SYNE1: variants seen among roughly 807,000 people sequenced by gnomAD.
SYNE1 encodes the protein nesprin-1.
SYNE1 carries 616 observed loss-of-function variants against 1,111.0 expected under a neutral mutation model. The observed-to-expected ratio is 0.55, with a 90% confidence interval of 0.52 to 0.59. SYNE1 has a LOEUF of 0.59. SYNE1 is among the 20% of genes least tolerant of loss of function. The probability of loss-of-function intolerance (pLI) is 0.00; values close to 1 mark genes in which losing one functional copy is unlikely to be tolerated. For missense variants in SYNE1, 10,006 were observed against 10,417.0 expected (o/e 0.96, Z 1.72); for synonymous variants, 3,855 against 3,825.8 (o/e 1.01, Z -0.28).
chr6:152,549,513 T>C (rs572307275), intron 3 of SYNE1, among the ~76,000 whole-genome samples: 2 of 152,304 alleles, frequency 1.3e-5, no homozygotes, highest in Admixed American at 6.5e-5. Flanking sequence ...AATGAAAAGA[T>C]TCTAGGCTTA....
At chr6:152,387,041 A>G in intron 54 of SYNE1, 31 bp downstream of exon 54, 8 of 1,578,956 alleles carry the variant, frequency 5.1e-6, no homozygotes, top group Non-Finnish European at 6.9e-6. Context: ...AATGTATTAT[A>G]AAGCATCTAC....
At chr6:152,206,512 A>G in intron 125 of SYNE1, 150 bp from the exon 126 acceptor site, 2 of 773,592 alleles carry the variant, frequency 2.6e-6, no homozygotes, top group Non-Finnish European at 4.2e-6. Flanking sequence ...CCAGTGAATA[A>G]ATGAGTGAGA....
intron 29 of SYNE1, among the ~76,000 whole-genome samples, chr6:152,446,592 G>A (rs2098594691): frequency 6.6e-6 from 1 of 152,124 alleles, no homozygotes; most frequent in Admixed American, 6.5e-5. Flanking sequence ...ACAGAGCTTT[G>A]TGGTCATTTT....
At chr6:152,622,798 G>T (rs1276282209) in intron 3 of SYNE1, among the ~76,000 whole-genome samples, 2 of 152,102 alleles carry the variant, frequency 1.3e-5, no homozygotes, top group East Asian at 3.9e-4. Flanking sequence ...GGGATTGCTG[G>T]GTTGAATGGT....
chr6:152,458,683 A>G (rs2098712732), intron 22 of SYNE1, 74 bp downstream of exon 22: 2 of 1,510,148 alleles, frequency 1.3e-6, no homozygotes, highest in East Asian at 2.3e-5. Context: ...CTGAATTTCT[A>G]TTCCTGTAAG....
chr6:152,442,684 A>G (rs1430162731), intron 30 of SYNE1, among the ~76,000 whole-genome samples: 1 of 152,224 alleles, frequency 6.6e-6, no homozygotes, highest in African/African-American at 2.4e-5. Flanking sequence ...AGTGGCTCAC[A>G]CCTGTAATCC....
intron 33 of SYNE1, chr6:152,434,694 T>C (rs1203404526): frequency 6.6e-6 from 1 of 152,010 alleles, no homozygotes. Context: ...ACCAGGTGAC[T>C]ATGGCTTTCA....
Position 152,451,343 on chromosome 6 carries a change from C to T in SYNE1, c.3028-138G>A, listed in dbSNP as rs1592976372. On this transcript the variant is annotated intron_variant, in intron 25 of 145. Transcript: ENST00000367255. ...AGTGTGAATGGGTCACTACTTTCCA[C>T]ACCTGGTCTCTCTACTTTGTATTTT... is the stretch of plus-strand genomic sequence containing the variant. 3 of 780,468 alleles carry T rather than the reference C, an allele frequency of 3.8e-6. No individual in the cohort carries two copies. In the East Asian group the frequency reaches 8.0e-5, roughly 21 times the overall value. The allele number at this position is 780,468 out of a possible 1,614,324, so 48.3% of individuals were successfully genotyped here.
intron 95 of SYNE1, among the ~76,000 whole-genome samples, chr6:152,289,868 C>T (rs1459687768): frequency 2.0e-4 from 30 of 151,746 alleles, no homozygotes; most frequent in African/African-American, 7.0e-4. Context: ...CCTCGTGATC[C>T]GCCCGCCTTG....
chr6:152,550,358 A>G (rs2099336069), intron 3 of SYNE1, among the ~76,000 whole-genome samples: 1 of 152,172 alleles, frequency 6.6e-6, no homozygotes, highest in Admixed American at 6.5e-5. Flanking sequence ...TTTTAGAACT[A>G]TATAAAGCAA....
intron 55 of SYNE1, among the ~76,000 whole-genome samples, chr6:152,384,265 T>G (rs936515157): frequency 3.3e-5 from 5 of 152,168 alleles, no homozygotes; most frequent in African/African-American, 9.7e-5. Context: ...GAGCCTGAAC[T>G]CTAATAGTAC....
rs200818762 is a variant in SYNE1 at position 152,325,224 on chromosome 6, C to T, written c.15517G>A (p.Gly5173Arg). 8.1e-6 allele frequency: 13 copies of T among 1,614,126 alleles called. No homozygotes were observed. Among genetic ancestry groups the T allele is most frequent in the East Asian group, 2.2e-5 (1 of 44,870 alleles). Residue 5173 changes from glycine to arginine, a missense_variant, in exon 81 of 146, where the codon GGA (glycine) becomes AGA (arginine). By Grantham distance (125) the Gly-to-Arg change is moderately radical. Around this residue, in one of 7 missense-constraint regions of SYNE1, gnomAD observed 4,955 missense variants for 5,017.2 expected, o/e 0.99. Transcript: ENST00000367255. Reference sequence around the variant, plus strand: ...AGGGTGGCTTTGCTGGCATCATTTCCGGTTTTCTCCAGTTGTGAAGCTTTT... The same window carrying T: ...AGGGTGGCTTTGCTGGCATCATTTCTGGTTTTCTCCAGTTGTGAAGCTTTT... ...EEKASQLEKT[G>R]NDASKATLSR...
rs773444302 is a variant in SYNE1 at position 152,310,068 on chromosome 6, T to C, written c.17020-51A>G. 5.1e-6 allele frequency: 8 copies of C among 1,563,744 alleles called. No individual in the cohort carries two copies. The East Asian group carries it at 1.9e-4, about 37-fold the overall frequency. The stretch of plus-strand genomic sequence containing the variant: ...AAATTTAATATTTAAATCATTTATT[T>C]CATAAGCAAAAGGCACTAAATTATA... On this transcript the variant is annotated intron_variant, in intron 89 of 145. Transcript: ENST00000367255.
rs1308344379 is a variant in SYNE1 at position 152,369,520 on chromosome 6, T to C, written c.9602A>G (p.Asn3201Ser). The C allele has an allele frequency of 1.2e-6, 2 of 1,614,194 alleles. No homozygotes were observed. Among genetic ancestry groups the C allele is most frequent in the South Asian group, 1.1e-5 (1 of 91,080 alleles). Residue 3201 changes from asparagine (N) to serine (S), a missense_variant, in exon 60 of 146, where the codon AAT becomes AGT. By Grantham distance (46) the Asn-to-Ser change is conservative. Around this residue, in one of 7 missense-constraint regions of SYNE1, gnomAD observed 4,955 missense variants for 5,017.2 expected, o/e 0.99. Transcript: ENST00000367255. ...KTEKMVHESS[N>S]RLYDLPAKRR... ...CTTTGCTGGCAGATCATAGAGGCGA[T>C]TGCTGCTTTCATGGACCATCTTCTC...
intron 6 of SYNE1, chr6:152,511,457 T>A: frequency 1.1e-6 from 1 of 908,340 alleles, no homozygotes; most frequent in Non-Finnish European, 1.8e-6. Context: ...GAAACTGCAA[T>A]GAGAAGTTTA....
intron 8 of SYNE1, among the ~76,000 whole-genome samples, chr6:152,509,885 C>G (rs185371386): frequency 1.3e-5 from 2 of 152,256 alleles, no homozygotes; most frequent in Non-Finnish European, 2.9e-5. Flanking sequence ...TTAATAGGAG[C>G]AGAAACTCTA....
At chr6:152,502,798 T>A in intron 9 of SYNE1, 56 bp from the exon 10 acceptor site, 2 of 1,312,886 alleles carry the variant, frequency 1.5e-6, no homozygotes, top group Non-Finnish European at 2.2e-6. Context: ...TGGATTTTGA[T>A]AATACAAGTT....
At chr6:152,427,888 T>G (rs1186667078) in intron 37 of SYNE1, 72 bp from the exon 38 acceptor site, 5 of 1,605,226 alleles carry the variant, frequency 3.1e-6, no homozygotes, top group East Asian at 2.2e-5. Flanking sequence ...TTTGTGAAGT[T>G]GGAGGGTCCA....
intron 104 of SYNE1, among the ~76,000 whole-genome samples, chr6:152,252,332 G>A (rs1422054696): frequency 1.3e-5 from 2 of 151,888 alleles, no homozygotes; most frequent in Admixed American, 1.3e-4. Flanking sequence ...CAGTTGTGCT[G>A]CCTCACTCAT....
Sources: allele counts gnomAD v4.1 joint callset (sites outside exome capture counted in the v4.1 genomes callset), GRCh38; gene constraint gnomAD v4.1.1; regional missense constraint gnomAD v4.1.1; transcripts MANE v1.5; gene names NCBI Gene and HGNC (gene_info 2026-07-23, HGNC 2026-07-21).